Variants in KCTD16 observed in about 807,000 individuals in gnomAD.
The protein encoded by KCTD16 is potassium channel tetramerization domain containing 16, also known as BTB/POZ domain-containing protein KCTD16.
Under a neutral mutation model 33.2 loss-of-function variants are expected in KCTD16, and 13 were observed. That is an observed-to-expected ratio of 0.39 (90% CI 0.25 to 0.62). The LOEUF is 0.62. Among genes scored for constraint, KCTD16 ranks in the 20% least tolerant of loss-of-function variants. KCTD16 has a pLI of 0.50. For synonymous variants in KCTD16, 197 were observed against 195.3 expected, an observed-to-expected ratio of 1.01 and a Z score of -0.07; for missense variants, 441 against 525.1, an observed-to-expected ratio of 0.84 and a Z score of 1.57.
intron 3 of KCTD16, among the ~76,000 whole-genome samples, chr5:144,266,137 A>G (rs80323707): frequency 0.048 from 7,290 of 152,284 alleles, 606 homozygotes; most frequent in African/African-American, 0.17. Context: ...GACAACATTA[A>G]TAATACTTTT....
intron 3 of KCTD16, among the ~76,000 whole-genome samples, chr5:144,473,235 C>CA (rs1754516712): frequency 1.3e-5 from 2 of 152,130 alleles, no homozygotes; most frequent in South Asian, 4.2e-4. Context: ...TGAAAGCTGA[C>CA]TGTGAGAGAG....
chr5:144,308,766 T>C (rs539048624), intron 3 of KCTD16, among the ~76,000 whole-genome samples: 3 of 122,670 alleles, frequency 2.4e-5, no homozygotes, highest in Non-Finnish European at 5.1e-5. Context: ...TGGGGTGGGG[T>C]GGGGTAGGGT....
intron 3 of KCTD16, among the ~76,000 whole-genome samples, chr5:144,283,156 G>C (rs112717622): frequency 6.6e-6 from 1 of 151,986 alleles, no homozygotes; most frequent in African/African-American, 2.4e-5. Flanking sequence ...CCATTAACTC[G>C]TCATTTACAT....
chr5:144,234,557 G>A (rs547176894), intron 3 of KCTD16, among the ~76,000 whole-genome samples: 5 of 152,144 alleles, frequency 3.3e-5, no homozygotes, highest in African/African-American at 1.2e-4. Context: ...CTTGAAATTT[G>A]AAGGCTTGAG....
At position 144,476,350 on chromosome 5, in the gene KCTD16, T is replaced by G. The variant is rs187736810; in HGVS notation, c.*2236T>G. 1 of 152,274 alleles carries G rather than the reference T, an allele frequency of 6.6e-6. No individual in the cohort carries two copies. The highest frequency in any genetic ancestry group is 1.9e-4 in the East Asian group (1 of 5,164). The allele number at this position is 152,274 out of a possible 1,614,324, so 9.4% of individuals were successfully genotyped here. ...ATGGCCTCAAGATAGAGAGATACCC[T>G]TATAAGAGTAAAGAATTAAGATGAT... On this transcript the variant is annotated 3_prime_UTR_variant, in exon 4 of 4. Transcript: ENST00000512467.
chr5:144,367,992 T>C (rs1336077019), intron 3 of KCTD16, among the ~76,000 whole-genome samples: 1 of 151,796 alleles, frequency 6.6e-6, no homozygotes, highest in Admixed American at 6.6e-5. Flanking sequence ...ATAATAATGC[T>C]AACTCCCCCA....
At chr5:144,188,000 C>T (rs1482055604) in intron 2 of KCTD16, among the ~76,000 whole-genome samples, 1 of 152,156 alleles carries the variant, frequency 6.6e-6, no homozygotes, top group African/African-American at 2.4e-5. Context: ...CTGTCTGAGC[C>T]TAGCTTAGAC....
At chr5:144,445,078 A>C (rs1753791860) in intron 3 of KCTD16, among the ~76,000 whole-genome samples, 1 of 149,730 alleles carries the variant, frequency 6.7e-6, no homozygotes, top group South Asian at 2.1e-4. Flanking sequence ...TTCTTTAGGG[A>C]CTCCTATTAT....
chr5:144,450,481 A>G (rs1753916820), intron 3 of KCTD16, among the ~76,000 whole-genome samples: 1 of 152,136 alleles, frequency 6.6e-6, no homozygotes, highest in African/African-American at 2.4e-5. Flanking sequence ...AGGATCTCAA[A>G]GAGATATCTG....
intron 3 of KCTD16, among the ~76,000 whole-genome samples, chr5:144,473,058 T>G (rs1645644773): frequency 6.6e-6 from 1 of 152,060 alleles, no homozygotes; most frequent in African/African-American, 2.4e-5. Context: ...ATTAACAGAG[T>G]TTTTGTTAAG....
In KCTD16 at chr5:144,477,302, C is replaced by T. The variant is rs1432087507; in HGVS notation, c.*3188C>T. 3.3e-5 allele frequency: 5 copies of T among 152,056 alleles called. No individual in the cohort carries two copies. In the East Asian group the frequency reaches 5.8e-4, roughly 18 times the overall value. The allele number at this position is 152,056 out of a possible 1,614,324, so 9.4% of individuals were successfully genotyped here. On this transcript the variant is annotated 3_prime_UTR_variant, in exon 4 of 4. Transcript: ENST00000512467. ...TTCCAAAATATGCACTGATGTTATCCTTTGTATTTATAGGCACAGTTATCT... is the reference window on the plus strand; with the variant it reads ...TTCCAAAATATGCACTGATGTTATCTTTTGTATTTATAGGCACAGTTATCT...
At chr5:144,437,970 T>G (rs759390271) in intron 3 of KCTD16, among the ~76,000 whole-genome samples, 1 of 152,206 alleles carries the variant, frequency 6.6e-6, no homozygotes, top group Non-Finnish European at 1.5e-5. Context: ...AAGTTTAAAC[T>G]GTCCAGTAGA....
At chr5:144,176,046 G>T (rs1752499190) in intron 2 of KCTD16, among the ~76,000 whole-genome samples, 1 of 152,102 alleles carries the variant, frequency 6.6e-6, no homozygotes. Flanking sequence ...CTCTGTCCAA[G>T]ATCTTTCAAA....
At chr5:144,323,587 T>C (rs1425008084) in intron 3 of KCTD16, among the ~76,000 whole-genome samples, 4 of 152,184 alleles carry the variant, frequency 2.6e-5, no homozygotes, top group Non-Finnish European at 5.9e-5. Context: ...TGCTCTAATA[T>C]GGCAGCTGAC....
At chr5:144,271,333 T>A (rs1755288889) in intron 3 of KCTD16, among the ~76,000 whole-genome samples, 1 of 152,066 alleles carries the variant, frequency 6.6e-6, no homozygotes, top group African/African-American at 2.4e-5. Flanking sequence ...ATTTTTGGAA[T>A]TCAAGGATGA....
chr5:144,391,026 T>G (rs1752437968), intron 3 of KCTD16, among the ~76,000 whole-genome samples: 1 of 152,116 alleles, frequency 6.6e-6, no homozygotes. Context: ...CCACAACCAA[T>G]TGCTGCTCAT....
intron 2 of KCTD16, among the ~76,000 whole-genome samples, chr5:144,186,975 C>T (rs1411670660): frequency 6.6e-6 from 1 of 152,134 alleles, no homozygotes; most frequent in African/African-American, 2.4e-5. Flanking sequence ...TCCCTTCCCT[C>T]TCAGCGCTTA....
chr5:144,224,674 G>T (rs1753874570), intron 3 of KCTD16, among the ~76,000 whole-genome samples: 1 of 152,138 alleles, frequency 6.6e-6, no homozygotes, highest in African/African-American at 2.4e-5. Context: ...CAGATACAAT[G>T]TAGTCAAATA....
chr5:144,207,321 G>T lies in KCTD16; in HGVS notation c.607G>T (p.Glu203Ter). 6.2e-7 allele frequency: 1 copy of T among 1,614,232 alleles called. No individual in the cohort carries two copies. The highest frequency in any genetic ancestry group is 8.5e-7 in the Non-Finnish European group (1 of 1,180,054). Reference protein sequence around the residue: ...LVCGRISLAKEVFGETLNESR... With the variant: ...LVCGRISLAK The stretch of plus-strand genomic sequence containing the variant: ...TTGTGGAAGGATTTCCTTGGCAAAA[G>T]AAGTCTTTGGAGAAACTTTGAATGA... The change falls in exon 3 of 4, where the codon GAA (glutamate) becomes TAA (stop). Residue 203 changes from glutamate (E) to a stop codon, truncating the protein, a stop_gained. Transcript: ENST00000512467. LOFTEE classifies it high-confidence loss of function.
Sources: allele counts gnomAD v4.1 joint callset (sites outside exome capture counted in the v4.1 genomes callset), GRCh38; gene constraint gnomAD v4.1.1; transcripts MANE v1.5; gene names NCBI Gene and HGNC (gene_info 2026-07-23, HGNC 2026-07-21).